OR51B5: variants seen among roughly 807,000 people sequenced by gnomAD.
OR51B5 encodes olfactory receptor 51B5.
For synonymous variants in OR51B5, 186 were observed against 144.8 expected (o/e 1.28, Z -2.04); for missense variants, 456 against 374.6 (o/e 1.22, Z -1.79).
Position 5,366,211 on chromosome 11 carries a change from G to A in OR51B5, n.85-19301C>T, listed in dbSNP as rs114794028. ...AAGTTAAGGATGAGGGAAACAGGAA[G>A]GAAAATCAGTAGGAAAGTATAGAAG... On this transcript the variant is annotated intron_variant and non_coding_transcript_variant, in intron 1 of 4. Transcript: ENST00000415970. Among the ~76,000 whole-genome samples, 601 of 152,166 alleles carry A rather than the reference G, an allele frequency of 3.9e-3. 2 individuals are homozygous for A. The highest frequency in any genetic ancestry group is 0.01 in the African/African-American group (426 of 41,502).
chr11:5,467,704 GT>G (rs1158691317), intron 1 of OR51B5, among the ~76,000 whole-genome samples: 1 of 152,186 alleles, frequency 6.6e-6, no homozygotes, highest in Non-Finnish European at 1.5e-5. Context: ...GCTCAGGCAT[GT>G]GCTTAAGCTT....
At chr11:5,455,482 T>A (rs956550802) in intron 1 of OR51B5, 9 of 146,852 alleles carry the variant, frequency 6.1e-5, no homozygotes, top group African/African-American at 2.3e-4. Flanking sequence ...AATTCCTTGG[T>A]GCTAATTTTG....
chr11:5,438,480 A>G (rs1264966144), intron 1 of OR51B5, among the ~76,000 whole-genome samples: 1 of 152,034 alleles, frequency 6.6e-6, no homozygotes, highest in Non-Finnish European at 1.5e-5. Flanking sequence ...CAGTTTTTTC[A>G]TTCATTTAAA....
upstream of OR51B5, chr11:5,345,973 G>A (rs190682546): frequency 2.6e-5 from 4 of 152,252 alleles, no homozygotes; most frequent in East Asian, 7.7e-4. Context: ...GTTACTAGAC[G>A]CAAAGATAAT....
At chr11:5,371,857 T>C (rs1849453307) in intron 1 of OR51B5, among the ~76,000 whole-genome samples, 1 of 152,190 alleles carries the variant, frequency 6.6e-6, no homozygotes, top group Non-Finnish European at 1.5e-5. Context: ...TAAACTTATT[T>C]ATCCTATACA....
chr11:5,409,473 A>C (rs1850110181), intron 1 of OR51B5, among the ~76,000 whole-genome samples: 1 of 150,620 alleles, frequency 6.6e-6, no homozygotes, highest in African/African-American at 2.4e-5. Context: ...AGAATCGGAA[A>C]ATATTAAAAA....
At chr11:5,497,148 T>G (rs920920090) in intron 1 of OR51B5, among the ~76,000 whole-genome samples, 1 of 152,248 alleles carries the variant, frequency 6.6e-6, no homozygotes, top group Admixed American at 6.5e-5. Flanking sequence ...CAGCTCATTG[T>G]AAATTACACT....
At chr11:5,378,759 G>A (rs1480918953) in intron 1 of OR51B5, among the ~76,000 whole-genome samples, 1 of 151,980 alleles carries the variant, frequency 6.6e-6, no homozygotes, top group Non-Finnish European at 1.5e-5. Context: ...AAACCACAAT[G>A]AGATACCATC....
intron 1 of OR51B5, among the ~76,000 whole-genome samples, chr11:5,420,607 A>G (rs1850318491): frequency 1.3e-5 from 2 of 151,902 alleles, no homozygotes; most frequent in East Asian, 3.9e-4. Context: ...TAAAGATTAT[A>G]TCTACTTGTC....
At position 5,395,137 on chromosome 11, in the gene OR51B5, G is replaced by C. The variant is rs555367878; in HGVS notation, n.85-48227C>G. Among the ~76,000 whole-genome samples, 98 of 152,276 alleles carry C rather than the reference G, an allele frequency of 6.4e-4. 2 individuals carry two copies. The highest frequency in any genetic ancestry group is 6.3e-3 in the Admixed American group (96 of 15,292). On this transcript the variant is annotated intron_variant and non_coding_transcript_variant, in intron 1 of 4. Transcript: ENST00000415970. The stretch of plus-strand genomic sequence containing the variant: ...TGGGCATCTCAAATGCTTTGGTCTA[G>C]GAGGATGCTAATCCCTCTTTGACAT...
intron 1 of OR51B5, among the ~76,000 whole-genome samples, chr11:5,446,566 G>C (rs1850766658): frequency 6.6e-6 from 1 of 152,124 alleles, no homozygotes; most frequent in Admixed American, 6.6e-5. Context: ...TATCAACTCA[G>C]TATTTAGCAT....
chr11:5,381,339 T>C (rs1209672690), intron 1 of OR51B5, among the ~76,000 whole-genome samples: 4 of 152,186 alleles, frequency 2.6e-5, no homozygotes, highest in African/African-American at 4.8e-5. Flanking sequence ...CACTAATGTG[T>C]TGATACTTCA....
intron 1 of OR51B5, among the ~76,000 whole-genome samples, chr11:5,394,591 T>C (rs1849840685): frequency 6.6e-6 from 1 of 152,212 alleles, no homozygotes; most frequent in African/African-American, 2.4e-5. Context: ...CACAGATGGC[T>C]CATGTAATTG....
At chr11:5,343,418 A>T (rs775039177) in exon 1 of OR51B5, 2 of 1,613,540 alleles carry the variant, frequency 1.2e-6, no homozygotes, top group East Asian at 4.5e-5. Context: ...GCCAAAAAGG[A>T]TGGATATATA....
intron 1 of OR51B5, among the ~76,000 whole-genome samples, chr11:5,405,618 T>A (rs1004237822): frequency 1.3e-5 from 2 of 152,206 alleles, no homozygotes; most frequent in East Asian, 1.9e-4. Flanking sequence ...GGCCTTATAA[T>A]GCTTCTTATA....
intron 1 of OR51B5, chr11:5,468,953 A>C (rs1038453887): frequency 3.4e-5 from 12 of 351,104 alleles, no homozygotes; most frequent in African/African-American, 2.6e-4. Context: ...TGGGAATACC[A>C]TGCAGAAGCT....
chr11:5,362,286 G>GA (rs1032102247), intron 1 of OR51B5, among the ~76,000 whole-genome samples: 18 of 152,270 alleles, frequency 1.2e-4, no homozygotes, highest in Non-Finnish European at 7.4e-5. Flanking sequence ...ACCAGCAGGG[G>GA]AAACTACCCA....
At chr11:5,390,242 C>T (rs1360457075) in intron 1 of OR51B5, 1 of 1,614,032 alleles carries the variant, frequency 6.2e-7, no homozygotes, top group East Asian at 2.2e-5. Flanking sequence ...GCATGCCCCA[C>T]CTGCTATTCA....
upstream of OR51B5, chr11:5,343,563 T>C (rs1334417942): frequency 1.4e-6 from 1 of 691,752 alleles, no homozygotes; most frequent in African/African-American, 1.8e-5. Flanking sequence ...CTGTTTCTGT[T>C]ATTACCACAG....
Sources: allele counts gnomAD v4.1 joint callset (sites outside exome capture counted in the v4.1 genomes callset), GRCh38; gene constraint gnomAD v4.1.1; transcripts MANE v1.5; gene names NCBI Gene and HGNC (gene_info 2026-07-23, HGNC 2026-07-21).